Variants in LCMT1 observed in about 807,000 individuals in gnomAD.
LCMT1 encodes leucine carboxyl methyltransferase 1, also known as [Phosphatase 2A protein]-leucine-carboxy methyltransferase 1.
LCMT1 carries 32 observed loss-of-function variants against 47.7 expected under a neutral mutation model. The ratio of observed to expected loss-of-function variants is 0.67; its 90% CI spans 0.51 to 0.90. LCMT1 has a LOEUF of 0.90. LCMT1 is among the 40% of genes least tolerant of loss of function. LCMT1 has a pLI of 0.00. For missense variants in LCMT1, 375 were observed against 415.2 expected (o/e 0.90, Z 0.84); for synonymous variants, 152 against 149.7 (o/e 1.02, Z -0.11).
At chr16:25,120,064 G>T (rs1265692556) in intron 1 of LCMT1, among the ~76,000 whole-genome samples, 1 of 151,566 alleles carries the variant, frequency 6.6e-6, no homozygotes, top group Non-Finnish European at 1.5e-5. Flanking sequence ...GGAGGCTGAG[G>T]CAGGAGAATC....
intron 1 of LCMT1, chr16:25,126,055 G>C (rs894114326): frequency 1.5e-6 from 2 of 1,351,540 alleles, no homozygotes; most frequent in Non-Finnish European, 9.8e-7. Context: ...TGATAGGCTG[G>C]ACAGTGAGGT....
At chr16:25,176,538 G>GT (rs1377261577) in intron 10 of LCMT1, among the ~76,000 whole-genome samples, 105 of 53,328 alleles carry the variant, frequency 2.0e-3, no homozygotes, top group African/African-American at 4.3e-3. Context: ...TTTGGTTTTT[G>GT]TTTTTTTTTG....
At chr16:25,116,260 T>A (rs1313492788) in intron 1 of LCMT1, among the ~76,000 whole-genome samples, 1 of 152,226 alleles carries the variant, frequency 6.6e-6, no homozygotes, top group East Asian at 1.9e-4. Flanking sequence ...CTGTCTTTTC[T>A]AGAAGGAGAT....
At chr16:25,153,268 G>A (rs1451337765) in intron 5 of LCMT1, among the ~76,000 whole-genome samples, 2 of 152,112 alleles carry the variant, frequency 1.3e-5, no homozygotes, top group African/African-American at 2.4e-5. Context: ...AGCTTGTTTT[G>A]TGCTTCTATA....
At chr16:25,144,037 C>T (rs1332760539) in intron 4 of LCMT1, 1 of 152,242 alleles carries the variant, frequency 6.6e-6, no homozygotes, top group Non-Finnish European at 1.5e-5. Flanking sequence ...ACCAGGTTGC[C>T]TGTTTTGTGG....
At chr16:25,149,247 T>A (rs908151729) in intron 4 of LCMT1, among the ~76,000 whole-genome samples, 8 of 152,096 alleles carry the variant, frequency 5.3e-5, no homozygotes, top group African/African-American at 1.9e-4. Context: ...TTGTGACTTA[T>A]TTTTTTTAAA....
chr16:25,148,470 A>G (rs1028805053), intron 4 of LCMT1, among the ~76,000 whole-genome samples: 2 of 152,164 alleles, frequency 1.3e-5, no homozygotes, highest in African/African-American at 4.8e-5. Context: ...GCACTGAAAG[A>G]CTTGAAGATT....
At chr16:25,138,639 C>G (rs1218676049) in intron 3 of LCMT1, among the ~76,000 whole-genome samples, 1 of 152,194 alleles carries the variant, frequency 6.6e-6, no homozygotes. Context: ...ATACCTGTGT[C>G]TGTAACAATA....
chr16:25,175,164 C>T, intron 10 of LCMT1, 130 bp downstream of exon 10: 1 of 602,582 alleles, frequency 1.7e-6, no homozygotes, highest in Non-Finnish European at 3.0e-6. Context: ...TGTTTTGAGA[C>T]AGGGTCTCGC....
At chr16:25,162,544 A>T (rs1440968211) in intron 6 of LCMT1, among the ~76,000 whole-genome samples, 3 of 151,106 alleles carry the variant, frequency 2.0e-5, no homozygotes, top group Non-Finnish European at 4.4e-5. Context: ...AGCCAAGATC[A>T]TGACATCGAA....
chr16:25,115,809 C>T (rs895085198), intron 1 of LCMT1, among the ~76,000 whole-genome samples: 3 of 152,162 alleles, frequency 2.0e-5, no homozygotes, highest in African/African-American at 4.8e-5. Context: ...TCCCGAGTAG[C>T]TGGGACTACA....
At chr16:25,116,709 C>A (rs1439668363) in intron 1 of LCMT1, among the ~76,000 whole-genome samples, 1 of 148,090 alleles carries the variant, frequency 6.8e-6, no homozygotes, top group East Asian at 2.0e-4. Flanking sequence ...GGAGAAACCT[C>A]CTCTCCACAA....
chr16:25,125,693 G>A (rs374256819), intron 1 of LCMT1, among the ~76,000 whole-genome samples: 6 of 151,880 alleles, frequency 4.0e-5, no homozygotes, highest in South Asian at 2.1e-4. Flanking sequence ...TTAGCCAGGC[G>A]TGGTGGCGGG....
intron 7 of LCMT1, among the ~76,000 whole-genome samples, chr16:25,166,966 C>T (rs1185136710): frequency 6.6e-6 from 1 of 152,224 alleles, no homozygotes; most frequent in Non-Finnish European, 1.5e-5. Flanking sequence ...AAACATTCCA[C>T]TGTCCATACT....
intron 4 of LCMT1, 116 bp downstream of exon 4, chr16:25,140,363 G>C: frequency 3.9e-6 from 3 of 766,700 alleles, no homozygotes; most frequent in Non-Finnish European, 6.5e-6. Context: ...TCCGTTCACT[G>C]CCCCCCACCA....
At chr16:25,119,433 G>A (rs1202778397) in intron 1 of LCMT1, among the ~76,000 whole-genome samples, 1 of 152,074 alleles carries the variant, frequency 6.6e-6, no homozygotes, top group Non-Finnish European at 1.5e-5. Context: ...CACATGAGCT[G>A]TATTTGTCAG....
intron 3 of LCMT1, 147 bp downstream of exon 3, chr16:25,132,670 G>A (rs991571906): frequency 2.3e-5 from 17 of 748,704 alleles, no homozygotes; most frequent in Admixed American, 5.8e-5. Context: ...ATGCCCCTAC[G>A]ACTCTCAGTC....
At chr16:25,160,987 T>TA in intron 5 of LCMT1, 115 bp from the exon 6 acceptor site, 1 of 364,864 alleles carries the variant, frequency 2.7e-6, no homozygotes, top group Admixed American at 7.4e-5. Flanking sequence ...CTCTTACGTA[T>TA]TTTTTTTTTT....
At chr16:25,116,717 C>CAAAAAAAAAAAA (rs61022139) in intron 1 of LCMT1, among the ~76,000 whole-genome samples, 1 of 63,526 alleles carries the variant, frequency 1.6e-5, no homozygotes, top group African/African-American at 5.2e-5. Context: ...CTCCTCTCCA[C>CAAAAAAAAAAAA]AAAAAAAAAA....
Sources: gnomAD v4.1 joint callset for allele counts (sites outside exome capture counted in the v4.1 genomes callset) on GRCh38, gnomAD v4.1.1 for gene constraint, MANE v1.5 for transcripts, NCBI Gene and HGNC (gene_info 2026-07-23, HGNC 2026-07-21) for gene names.